Variants in NDUFA13 observed in about 807,000 individuals in gnomAD.
NDUFA13 encodes the protein NADH:ubiquinone oxidoreductase subunit A13.
Under a neutral mutation model 17.0 loss-of-function variants are expected in NDUFA13, and 16 were observed. That is an observed-to-expected ratio of 0.94 (90% confidence interval 0.64 to 1.43). The LOEUF (loss-of-function observed/expected upper bound fraction) is 1.43, where lower values mean the gene tolerates loss of function less well. Ranked by LOEUF, NDUFA13 falls within the 40% of genes most tolerant of loss-of-function variation. The pLI is 0.00. For missense variants in NDUFA13, 228 were observed against 206.7 expected (o/e 1.10, Z -0.63); for synonymous variants, 87 against 78.4 (o/e 1.11, Z -0.58).
chr19:19,524,008 T>C (rs1159290293), intron 1 of NDUFA13, among the ~76,000 whole-genome samples: 1 of 152,180 alleles, frequency 6.6e-6, no homozygotes, highest in African/African-American at 2.4e-5. Context: ...AGTCAAGTGA[T>C]CCTCTCACCT....
chr19:19,522,038 C>G (rs1600346432), intron 1 of NDUFA13, among the ~76,000 whole-genome samples: 1 of 152,118 alleles, frequency 6.6e-6, no homozygotes. Context: ...GGCACGGTGG[C>G]TCATGCCTGT....
chr19:19,517,185 C>T (rs1263681196), intron 1 of NDUFA13, among the ~76,000 whole-genome samples: 1 of 152,060 alleles, frequency 6.6e-6, no homozygotes, highest in African/African-American at 2.4e-5. Flanking sequence ...TACTCAGTCC[C>T]CAGGTTAACA....
intron 1 of NDUFA13, among the ~76,000 whole-genome samples, chr19:19,523,440 T>G (rs2061087122): frequency 6.8e-6 from 1 of 147,020 alleles, no homozygotes; most frequent in Non-Finnish European, 1.5e-5. Flanking sequence ...AAATATATTT[T>G]TCTTTTTTTT....
intron 4 of NDUFA13, 102 bp downstream of exon 4, chr19:19,527,872 G>T (rs2061111600): frequency 6.8e-7 from 1 of 1,473,958 alleles, no homozygotes; most frequent in African/African-American, 1.4e-5. Flanking sequence ...GGACCAAGGG[G>T]GTGGTGGGTG....
In NDUFA13 at chr19:19,527,294, G is replaced by A. The variant is rs773496318; in HGVS notation, c.187G>A (p.Glu63Lys). Residue 63 changes from glutamate (E) to lysine (K), a missense_variant, in exon 3 of 5, where the codon GAG becomes AAG. By Grantham distance (56) the Glu-to-Lys change is moderately conservative. Transcript: ENST00000507754. ...GGGCTTTCACAGGCGCCTACAAATCGAGGACTTCGAGGCTCGCATCGCGCT... is the reference window on the plus strand; with the variant it reads ...GGGCTTTCACAGGCGCCTACAAATCAAGGACTTCGAGGCTCGCATCGCGCT... ...WNRERRRLQI[E>K]DFEARIALLP... 3.9e-5 allele frequency: 63 copies of A among 1,613,838 alleles called. No individual in the cohort carries two copies. In the Middle Eastern group the frequency reaches 6.6e-4, roughly 17 times the overall value.
chr19:19,527,157 T>TC, intron 2 of NDUFA13, 124 bp from the exon 3 acceptor site: 1 of 311,510 alleles, frequency 3.2e-6, no homozygotes, highest in South Asian at 3.3e-5. Flanking sequence ...CCCTGCCCCC[T>TC]GCCTGCCTCC....
intron 1 of NDUFA13, among the ~76,000 whole-genome samples, chr19:19,524,801 G>A (rs1045146029): frequency 7.9e-5 from 12 of 151,872 alleles, no homozygotes; most frequent in African/African-American, 2.4e-4. Context: ...GTGAGATTCC[G>A]TCTCAAAAAT....
chr19:19,526,071 A>C, intron 1 of NDUFA13, 111 bp from the exon 2 acceptor site: 1 of 1,542,950 alleles, frequency 6.5e-7, no homozygotes, highest in Non-Finnish European at 8.7e-7. Flanking sequence ...AAGCAGCCTC[A>C]CTCCTGAGAA....
In NDUFA13 at chr19:19,516,233, G is replaced by A; in HGVS notation, c.-6G>A. ...CCCGGGACCGGAAGTGTGGGATACTGCGAGTATGGCGGCGTCAAAGGTGAA... is the reference window on the plus strand; with the variant it reads ...CCCGGGACCGGAAGTGTGGGATACTACGAGTATGGCGGCGTCAAAGGTGAA... On this transcript the variant is annotated 5_prime_UTR_variant, in exon 1 of 5. Transcript: ENST00000507754. 6.2e-7 allele frequency: 1 copy of A among 1,614,140 alleles called. No individual in the cohort carries two copies. The highest frequency in any genetic ancestry group is 8.5e-7 in the Non-Finnish European group (1 of 1,180,042).
chr19:19,526,440 C>T, intron 2 of NDUFA13, 180 bp downstream of exon 2: 2 of 684,636 alleles, frequency 2.9e-6, no homozygotes, highest in Non-Finnish European at 5.2e-6. Context: ...AGGCTCTGTC[C>T]TCGAGATGTC....
At chr19:19,521,698 G>T (rs1296569530) in intron 1 of NDUFA13, among the ~76,000 whole-genome samples, 6 of 137,226 alleles carry the variant, frequency 4.4e-5, no homozygotes, top group African/African-American at 1.7e-4. Flanking sequence ...CGCCTCCCGG[G>T]TTCACGCCAT....
Position 19,520,237 on chromosome 19 carries a change from C to T in NDUFA13, c.94+3905C>T, listed in dbSNP as rs73532150. On this transcript the variant is annotated intron_variant, in intron 1 of 4. Transcript: ENST00000507754. ...CACCCAGTTCTCCTGTCCCCACTCC[C>T]TCCTGAGCCTAGCAGGCAGCCCTTT... Among the ~76,000 whole-genome samples, 1,101 of 152,304 alleles carry T rather than the reference C, an allele frequency of 7.2e-3. 11 individuals carry two copies. Among genetic ancestry groups the T allele is most frequent in the African/African-American group, 0.024 (1,013 of 41,568 alleles).
chr19:19,525,885 A>C, intron 1 of NDUFA13: 1 of 608,920 alleles, frequency 1.6e-6, no homozygotes, highest in Non-Finnish European at 2.6e-6. Flanking sequence ...CACTGTCAGA[A>C]CTGCCCTTCC....
intron 1 of NDUFA13, 100 bp downstream of exon 1, chr19:19,516,432 GA>G (rs1390180235): frequency 5.3e-6 from 7 of 1,309,008 alleles, no homozygotes; most frequent in Non-Finnish European, 7.6e-6. Flanking sequence ...CCGGCGGTGT[GA>G]CCGGAGGCGG....
chr19:19,522,013 A>G (rs977192567), intron 1 of NDUFA13, among the ~76,000 whole-genome samples: 7 of 152,104 alleles, frequency 4.6e-5, no homozygotes, highest in African/African-American at 1.4e-4. Context: ...TTTAATTTCA[A>G]TAAAGTCCGG....
intron 3 of NDUFA13, 154 bp downstream of exon 3, chr19:19,527,506 C>A: frequency 1.9e-6 from 2 of 1,054,722 alleles, no homozygotes; most frequent in Non-Finnish European, 2.9e-6. Context: ...TTAGTGGAGA[C>A]CCAAGGGGGC....
At position 19,516,245 on chromosome 19, in the gene NDUFA13, G is replaced by C; in HGVS notation, c.7G>C (p.Ala3Pro). 1 of 1,614,112 alleles carries C rather than the reference G, an allele frequency of 6.2e-7. No homozygotes were observed. Among genetic ancestry groups the C allele is most frequent in the South Asian group, 1.1e-5 (1 of 91,090 alleles). MA[A>P]SKVKQDMPPP... Reference sequence around the variant, plus strand: ...AGTGTGGGATACTGCGAGTATGGCGGCGTCAAAGGTGAAGCAGGACATGCC... The same window carrying C: ...AGTGTGGGATACTGCGAGTATGGCGCCGTCAAAGGTGAAGCAGGACATGCC... Residue 3 changes from alanine (A) to proline (P), a missense_variant, in exon 1 of 5, where the codon GCG (alanine) becomes CCG (proline). Physicochemically the swap from Ala to Pro is conservative, Grantham distance 27. Transcript: ENST00000507754.
chr19:19,519,895 G>A (rs1251652739), intron 1 of NDUFA13, among the ~76,000 whole-genome samples: 2 of 151,772 alleles, frequency 1.3e-5, no homozygotes, highest in East Asian at 1.9e-4. Flanking sequence ...ACTCCCTTCT[G>A]TCTGCCTGGG....
At chr19:19,525,629 C>A (rs913464545) in intron 1 of NDUFA13, among the ~76,000 whole-genome samples, 13 of 152,208 alleles carry the variant, frequency 8.5e-5, no homozygotes, top group Non-Finnish European at 1.9e-4. Context: ...GGCCCCCAGC[C>A]TGTCAGTCAG....
Sources: allele counts gnomAD v4.1 joint callset (sites outside exome capture counted in the v4.1 genomes callset), GRCh38; gene constraint gnomAD v4.1.1; transcripts MANE v1.5; gene names NCBI Gene and HGNC (gene_info 2026-07-23, HGNC 2026-07-21).